The following DOCK2 variants were observed in gnomAD, a reference collection of about 807,000 sequenced individuals.
DOCK2 encodes dedicator of cytokinesis protein 2.
DOCK2 carries 87 observed loss-of-function variants against 248.9 expected under a neutral mutation model. The observed-to-expected ratio is 0.35, with a 90% CI of 0.29 to 0.42. The LOEUF (loss-of-function observed/expected upper bound fraction) is 0.42. Among genes scored for constraint, DOCK2 ranks in the 10% least tolerant of loss-of-function variants. DOCK2 has a pLI of 1.00. For missense variants in DOCK2, 1,747 were observed against 2,300.2 expected (o/e 0.76, Z 4.92); for synonymous variants, 805 against 821.6 (o/e 0.98, Z 0.35).
chr5:169,856,197 A>G lies in DOCK2; in HGVS notation c.2799+15345A>G, dbSNP rs146405454. Among the ~76,000 whole-genome samples the G allele has an allele frequency of 3.3e-3, 502 of 152,342 alleles. 2 individuals are homozygous for G. Among genetic ancestry groups the G allele is most frequent in the Middle Eastern group, 6.8e-3 (2 of 294 alleles). ...TGGGGACACAAAACCTAACCATATC[A>G]GAATACAAGAATAGCATTTGGATGG... On this transcript the variant is annotated intron_variant, in intron 27 of 51. Transcript: ENST00000520908.
chr5:169,859,446 C>T (rs537646859), intron 27 of DOCK2, among the ~76,000 whole-genome samples: 7 of 152,320 alleles, frequency 4.6e-5, no homozygotes, highest in Non-Finnish European at 7.3e-5. Flanking sequence ...ATTTGTCCCC[C>T]GCACTTTTTC....
At chr5:169,671,382 T>C (rs1310240090) in intron 5 of DOCK2, among the ~76,000 whole-genome samples, 1 of 152,224 alleles carries the variant, frequency 6.6e-6, no homozygotes. Flanking sequence ...CCATAATCAA[T>C]GGAGTCTACT....
intron 27 of DOCK2, among the ~76,000 whole-genome samples, chr5:169,914,502 C>T (rs1268792911): frequency 6.6e-6 from 1 of 152,194 alleles, no homozygotes; most frequent in Non-Finnish European, 1.5e-5. Context: ...GAACTCTGAA[C>T]TTGGATTCAA....
chr5:169,800,740 G>A (rs1452617960), intron 25 of DOCK2, among the ~76,000 whole-genome samples: 1 of 152,020 alleles, frequency 6.6e-6, no homozygotes, highest in Non-Finnish European at 1.5e-5. Flanking sequence ...AAAAACAAAT[G>A]TATTTAGAAG....
At chr5:169,834,840 T>C (rs1335629766) in intron 26 of DOCK2, among the ~76,000 whole-genome samples, 2 of 152,158 alleles carry the variant, frequency 1.3e-5, no homozygotes, top group African/African-American at 4.8e-5. Context: ...AATGCTCACA[T>C]AGAAGAGAGA....
intron 27 of DOCK2, among the ~76,000 whole-genome samples, chr5:169,894,989 G>C (rs1773514889): frequency 6.6e-6 from 1 of 152,178 alleles, no homozygotes; most frequent in Non-Finnish European, 1.5e-5. Context: ...GAACATCTCT[G>C]TGGCTTTTTG....
chr5:169,882,009 A>C (rs1384136677), intron 27 of DOCK2, among the ~76,000 whole-genome samples: 1 of 152,204 alleles, frequency 6.6e-6, no homozygotes, highest in Non-Finnish European at 1.5e-5. Flanking sequence ...TTTGCCGAAA[A>C]TGAATTGTGC....
chr5:169,842,980 T>A (rs763718376), intron 27 of DOCK2, among the ~76,000 whole-genome samples: 10 of 152,210 alleles, frequency 6.6e-5, no homozygotes, highest in Non-Finnish European at 1.5e-4. Flanking sequence ...AGTAGCTCCC[T>A]GCTGCCTACC....
At chr5:169,721,514 C>T (rs1439978850) in intron 22 of DOCK2, among the ~76,000 whole-genome samples, 2 of 152,200 alleles carry the variant, frequency 1.3e-5, no homozygotes, top group Non-Finnish European at 2.9e-5. Flanking sequence ...AACTAGAAAA[C>T]AGAAGTTTCA....
chr5:169,766,828 T>C (rs1764822311), intron 25 of DOCK2, among the ~76,000 whole-genome samples: 1 of 152,204 alleles, frequency 6.6e-6, no homozygotes, highest in Non-Finnish European at 1.5e-5. Flanking sequence ...AGTGCAATGG[T>C]GCGGTCTCAG....
chr5:169,707,734 C>T (rs546260305), intron 14 of DOCK2, among the ~76,000 whole-genome samples: 31 of 152,298 alleles, frequency 2.0e-4, no homozygotes, highest in African/African-American at 6.7e-4. Context: ...CACTGCCCAC[C>T]GCCCTGACGT....
rs1305560385 is a variant in DOCK2, at chr5:169,996,121, C to T, written c.3029C>T (p.Thr1010Ile). 6.2e-7 allele frequency: 1 copy of T among 1,614,018 alleles called. No individual in the cohort carries two copies. Among genetic ancestry groups the T allele is most frequent in the South Asian group, 1.1e-5 (1 of 91,082 alleles). Residue 1010 changes from threonine to isoleucine, a missense_variant, in exon 30 of 52, where the codon ACC becomes ATC. By Grantham distance (89) the Thr-to-Ile change is moderately conservative. This residue lies in a region of DOCK2 where 858 missense variants were observed against 1,183.5 expected (regional missense o/e 0.72). Coordinates refer to ENST00000520908, the MANE Select transcript of DOCK2 (RefSeq NM_004946.3). The part of the protein sequence containing the change: ...FLRAINKFAE[T>I]MNQKFLEHTN... ...AGAGCTATCAACAAGTTTGCAGAAA[C>T]CATGAACCAGAAGTTCCTAGAACAC...
intron 25 of DOCK2, among the ~76,000 whole-genome samples, chr5:169,800,013 C>A (rs1311664647): frequency 6.6e-6 from 1 of 152,106 alleles, no homozygotes; most frequent in Non-Finnish European, 1.5e-5. Context: ...CTATGTTGCC[C>A]AGGCTGGTCT....
intron 14 of DOCK2, among the ~76,000 whole-genome samples, chr5:169,707,192 G>C (rs1282625996): frequency 6.6e-6 from 1 of 152,220 alleles, no homozygotes; most frequent in Non-Finnish European, 1.5e-5. Flanking sequence ...AATGACCATA[G>C]AAGTAGGCAT....
At chr5:169,646,404 A>AT (rs1757474883) in intron 1 of DOCK2, among the ~76,000 whole-genome samples, 1 of 152,116 alleles carries the variant, frequency 6.6e-6, no homozygotes, top group East Asian at 1.9e-4. Flanking sequence ...TTCTGTCTTC[A>AT]TTTTGCAGGT....
At chr5:169,682,221 G>A (rs1759706194) in intron 7 of DOCK2, among the ~76,000 whole-genome samples, 1 of 152,262 alleles carries the variant, frequency 6.6e-6, no homozygotes, top group Non-Finnish European at 1.5e-5. Context: ...CCAGGGTTAT[G>A]TGAATCAAAG....
chr5:169,838,133 G>A (rs1769706903), intron 26 of DOCK2, among the ~76,000 whole-genome samples: 1 of 152,158 alleles, frequency 6.6e-6, no homozygotes, highest in South Asian at 2.1e-4. Context: ...GTCACTGAAG[G>A]AGGTAGAAGT....
intron 27 of DOCK2, among the ~76,000 whole-genome samples, chr5:169,878,255 A>T (rs1772443506): frequency 6.6e-6 from 1 of 152,180 alleles, no homozygotes; most frequent in African/African-American, 2.4e-5. Context: ...CCCAAACTTC[A>T]ATCACTCATT....
At chr5:169,875,499 G>C (rs188050595) in intron 27 of DOCK2, 1 of 323,970 alleles carries the variant, frequency 3.1e-6, no homozygotes, top group South Asian at 2.5e-5. Flanking sequence ...GCAGCATGCT[G>C]TGGAATCTGG....
Sources: gnomAD v4.1 joint callset for allele counts (sites outside exome capture counted in the v4.1 genomes callset) on GRCh38, gnomAD v4.1.1 for gene constraint, gnomAD v4.1.1 regional missense constraint, MANE v1.5 for transcripts, NCBI Gene and HGNC (gene_info 2026-07-23, HGNC 2026-07-21) for gene names.